The following SLCO1C1 variants were observed in gnomAD, a reference collection of about 807,000 sequenced individuals.
SLCO1C1 encodes solute carrier organic anion transporter family member 1C1.
In SLCO1C1, 70 loss-of-function variants were observed where a neutral mutation model predicts 76.4. The observed-to-expected ratio is 0.92, with a 90% CI of 0.76 to 1.12. The LOEUF (loss-of-function observed/expected upper bound fraction) is 1.12. Ranked by LOEUF, SLCO1C1 falls within the 50% of genes most tolerant of loss-of-function variation. SLCO1C1 has a pLI of 0.00. For synonymous variants in SLCO1C1, 306 were observed against 286.1 expected (o/e 1.07, Z -0.70); for missense variants, 912 against 823.8 (o/e 1.11, Z -1.31).
chr12:20,744,171 G>C (rs1948939360), intron 13 of SLCO1C1, among the ~76,000 whole-genome samples: 1 of 152,012 alleles, frequency 6.6e-6, no homozygotes, highest in South Asian at 2.1e-4. Context: ...ATGGCATCAT[G>C]ACTGGCTCTA....
chr12:20,705,477 A>G (rs1325348098), intron 3 of SLCO1C1, among the ~76,000 whole-genome samples: 1 of 152,030 alleles, frequency 6.6e-6, no homozygotes, highest in African/African-American at 2.4e-5. Context: ...TATTTCATTT[A>G]AAGTACAGTT....
chr12:20,739,602 T>C (rs907515043), intron 11 of SLCO1C1, among the ~76,000 whole-genome samples: 1 of 152,252 alleles, frequency 6.6e-6, no homozygotes, highest in African/African-American at 2.4e-5. Context: ...AAGGGTCATG[T>C]GTGTGGCTTA....
At chr12:20,718,976 A>G (rs546967721) in intron 7 of SLCO1C1, among the ~76,000 whole-genome samples, 8 of 152,236 alleles carry the variant, frequency 5.3e-5, no homozygotes, top group Admixed American at 5.2e-4. Flanking sequence ...TATATTTTTT[A>G]AATTTAAGGT....
chr12:20,750,273 T>C (rs563746458), intron 13 of SLCO1C1, among the ~76,000 whole-genome samples: 2 of 152,154 alleles, frequency 1.3e-5, no homozygotes, highest in African/African-American at 4.8e-5. Context: ...GTTTAAGATA[T>C]ACCTAATAGA....
intron 1 of SLCO1C1, chr12:20,696,908 G>A (rs1326089567): frequency 6.6e-6 from 1 of 152,032 alleles, no homozygotes; most frequent in Non-Finnish European, 1.5e-5. Flanking sequence ...CTTCAGTAAA[G>A]CTATGCAGTG....
At chr12:20,705,407 T>C (rs1259060474) in intron 3 of SLCO1C1, among the ~76,000 whole-genome samples, 1 of 152,012 alleles carries the variant, frequency 6.6e-6, no homozygotes. Context: ...CTTAATCTTT[T>C]TGTACAAAGT....
chr12:20,708,884 T>G (rs1466190943), intron 4 of SLCO1C1, among the ~76,000 whole-genome samples: 1 of 152,226 alleles, frequency 6.6e-6, no homozygotes, highest in Non-Finnish European at 1.5e-5. Context: ...TCAGCTGATG[T>G]TGCTGGTCTG....
chr12:20,735,717 G>A (rs1366211374), intron 10 of SLCO1C1, among the ~76,000 whole-genome samples: 1 of 152,178 alleles, frequency 6.6e-6, no homozygotes, highest in East Asian at 1.9e-4. Context: ...ACTAGATGAA[G>A]TATTACACTG....
At chr12:20,732,425 T>C (rs145257373) in intron 9 of SLCO1C1, among the ~76,000 whole-genome samples, 3 of 152,138 alleles carry the variant, frequency 2.0e-5, no homozygotes, top group African/African-American at 7.2e-5. Context: ...CAAGTAAATA[T>C]AGGTGGTGAT....
At chr12:20,710,200 C>CTATTTTT (rs1947009344) in intron 4 of SLCO1C1, among the ~76,000 whole-genome samples, 1 of 75,486 alleles carries the variant, frequency 1.3e-5, no homozygotes, top group Non-Finnish European at 2.3e-5. Context: ...CTCTACTTTT[C>CTATTTTT]TTTTTTTTTT....
At position 20,752,526 on chromosome 12, in the gene SLCO1C1, T is replaced by C. The variant is rs764226185; in HGVS notation, c.2137T>C (p.Ter713GlnextTer13). The C allele has an allele frequency of 1.9e-6, 3 of 1,580,610 alleles. No individual in the cohort carries two copies. The highest frequency in any genetic ancestry group is 3.6e-5 in the Admixed American group (2 of 54,894). Residue 713 changes from the stop codon to glutamine (Q), a stop_lost, in exon 15 of 15, where the codon TAG becomes CAG. Transcript: ENST00000266509. ...CTGGCCAGGCAAGGAAACTCAACTT[T>C]AGAAACATGATGACTGGAAGTCATG... ...NYWPGKETQL[*>Q]
intron 3 of SLCO1C1, among the ~76,000 whole-genome samples, chr12:20,704,135 TAA>T (rs1946666224): frequency 6.6e-6 from 1 of 151,638 alleles, no homozygotes. Context: ...TTTCATTTTT[TAA>T]AGATTTTGTA....
intron 1 of SLCO1C1, chr12:20,696,660 G>C (rs1410325927): frequency 2.6e-5 from 4 of 152,144 alleles, no homozygotes; most frequent in African/African-American, 9.6e-5. Flanking sequence ...TTTCCTGGAA[G>C]AATCTATTCA....
intron 3 of SLCO1C1, among the ~76,000 whole-genome samples, chr12:20,702,638 T>C (rs1321721646): frequency 2.0e-5 from 3 of 151,850 alleles, no homozygotes; most frequent in Non-Finnish European, 4.4e-5. Context: ...TTTGCTTAGA[T>C]TGGCCCGGAT....
At chr12:20,736,103 C>T (rs1487785284) in intron 10 of SLCO1C1, among the ~76,000 whole-genome samples, 4 of 151,674 alleles carry the variant, frequency 2.6e-5, no homozygotes, top group Non-Finnish European at 5.9e-5. Context: ...ATAGAAATGA[C>T]ATACCATTGC....
chr12:20,733,434 G>T (rs1948390826), intron 10 of SLCO1C1, among the ~76,000 whole-genome samples: 1 of 152,152 alleles, frequency 6.6e-6, no homozygotes, highest in African/African-American at 2.4e-5. Flanking sequence ...TGTACATGTG[G>T]TTTAAACTAA....
chr12:20,736,988 C>A, intron 10 of SLCO1C1, 119 bp from the exon 11 acceptor site: 2 of 870,496 alleles, frequency 2.3e-6, no homozygotes, highest in Non-Finnish European at 3.1e-6. Flanking sequence ...AACTGTGTTT[C>A]TAAAAGGCAA....
chr12:20,714,514 T>C (rs1198516772), intron 5 of SLCO1C1, among the ~76,000 whole-genome samples: 1 of 152,206 alleles, frequency 6.6e-6, no homozygotes, highest in Non-Finnish European at 1.5e-5. Flanking sequence ...TGATTTCTTT[T>C]GTTGGAATAA....
At chr12:20,706,995 G>C (rs1946811522) in intron 4 of SLCO1C1, among the ~76,000 whole-genome samples, 1 of 152,120 alleles carries the variant, frequency 6.6e-6, no homozygotes, top group Non-Finnish European at 1.5e-5. Flanking sequence ...ACTTAGAAAT[G>C]ATCTAGTCTG....
Sources: allele counts gnomAD v4.1 joint callset (sites outside exome capture counted in the v4.1 genomes callset), GRCh38; gene constraint gnomAD v4.1.1; transcripts MANE v1.5; gene names NCBI Gene and HGNC (gene_info 2026-07-23, HGNC 2026-07-21).